COL4A5: variants seen among roughly 807,000 people sequenced by gnomAD.
The protein encoded by COL4A5 is collagen type IV alpha 5 chain, also known as collagen alpha-5(IV) chain.
In COL4A5, 26 loss-of-function variants were observed where a neutral mutation model predicts 130.2. That is an observed-to-expected ratio of 0.20 (90% CI 0.15 to 0.28). The LOEUF (loss-of-function observed/expected upper bound fraction) is 0.28, where lower values mean the gene tolerates loss of function less well. Ranked by LOEUF, COL4A5 falls within the 10% of genes least tolerant of loss-of-function variation. The pLI, the probability that COL4A5 is intolerant of heterozygous loss-of-function variation, is 1.00. For synonymous variants in COL4A5, 496 were observed against 439.6 expected (o/e 1.13, Z -1.60); for missense variants, 1,131 against 1,344.3 (o/e 0.84, Z 2.48).
chrX:108,564,710 T>C (rs1232352900), intron 4 of COL4A5, among the ~76,000 whole-genome samples: 1 of 112,077 alleles, frequency 8.9e-6, no homozygotes, highest in Non-Finnish European at 1.9e-5. Context: ...TGAAATACTG[T>C]GTTCATAGAT....
Position 108,493,507 on chromosome X carries a change from G to A in COL4A5, c.82-46239G>A, listed in dbSNP as rs775579600. Among the ~76,000 whole-genome samples the A allele has an allele frequency of 2.7e-5, 3 of 111,903 alleles. No homozygotes were observed. The South Asian group carries it at 1.1e-3, about 41-fold the overall frequency. On this transcript the variant is annotated intron_variant, in intron 1 of 52. Coordinates refer to ENST00000328300, the MANE Select transcript of COL4A5 (RefSeq NM_033380.3). ...TCTTTGAAGAAGTTAAGTTTAGTGA[G>A]TAAGATGCTTCTTTTTTATAATGGT...
At chrX:108,666,359 T>C in intron 38 of COL4A5, 137 bp from the exon 39 acceptor site, 1 of 502,139 alleles carries the variant, frequency 2.0e-6, no homozygotes, top group Non-Finnish European at 3.5e-6. Flanking sequence ...CTCCTTCATA[T>C]TTTTATAACA....
At chrX:108,616,226 G>T (rs28581987) in intron 30 of COL4A5, among the ~76,000 whole-genome samples, 25,685 of 106,439 alleles carry the variant, frequency 0.24, 2,678 homozygotes, top group East Asian at 0.56. Flanking sequence ...TTTTTTTTTT[G>T]TTGTTGTTGT....
intron 36 of COL4A5, among the ~76,000 whole-genome samples, chrX:108,640,442 A>G (rs757192139): frequency 1.1e-4 from 12 of 111,330 alleles, no homozygotes; most frequent in African/African-American, 3.9e-4. Context: ...TAGTTATAAG[A>G]TGAATAAACT....
intron 36 of COL4A5, chrX:108,627,244 A>G: frequency 1.7e-6 from 1 of 589,164 alleles, no homozygotes; most frequent in Non-Finnish European, 2.0e-6. Flanking sequence ...ATATGATTTT[A>G]TTAAAAAATA....
intron 1 of COL4A5, among the ~76,000 whole-genome samples, chrX:108,500,643 T>C (rs1040706987): frequency 8.9e-6 from 1 of 112,039 alleles, no homozygotes; most frequent in Non-Finnish European, 1.9e-5. Context: ...AAATAGCCTC[T>C]ATTGCTCAAA....
At position 108,479,766 on chromosome X, in the gene COL4A5, G is replaced by C. The variant is rs768234464; in HGVS notation, c.81+39560G>C. Among the ~76,000 whole-genome samples, 3 of 111,978 alleles carry C rather than the reference G, an allele frequency of 2.7e-5. No homozygotes were observed. The South Asian group carries it at 1.1e-3, about 42-fold the overall frequency. On this transcript the variant is annotated intron_variant, in intron 1 of 52. Transcript: ENST00000328300. ...GCTGTGCATGACCACTTTATGGCTA[G>C]ATGGGTCAGAAAAGCACCCAGTTTA...
At chrX:108,444,110 G>T (rs1405164138) in intron 1 of COL4A5, among the ~76,000 whole-genome samples, 4 of 110,917 alleles carry the variant, frequency 3.6e-5, no homozygotes, top group Non-Finnish European at 7.6e-5. Flanking sequence ...CCCAGATTTG[G>T]CCAACAGGAG....
At chrX:108,493,016 T>G (rs764913319) in intron 1 of COL4A5, among the ~76,000 whole-genome samples, 10 of 111,722 alleles carry the variant, frequency 9.0e-5, no homozygotes, top group Non-Finnish European at 1.7e-4. Context: ...CTGGATATTT[T>G]TATTTGCTGA....
intron 1 of COL4A5, among the ~76,000 whole-genome samples, chrX:108,498,893 G>A (rs187831904): frequency 2.1e-3 from 232 of 110,476 alleles, no homozygotes; most frequent in Non-Finnish European, 3.5e-3. Flanking sequence ...AAATTTTATG[G>A]CTTTTTAAAG....
At chrX:108,442,342 A>G (rs996297997) in intron 1 of COL4A5, among the ~76,000 whole-genome samples, 3 of 111,941 alleles carry the variant, frequency 2.7e-5, no homozygotes, top group Non-Finnish European at 5.6e-5. Flanking sequence ...CATCACAAAT[A>G]TGTGGAAGAT....
At chrX:108,507,056 C>A (rs1452663941) in intron 1 of COL4A5, among the ~76,000 whole-genome samples, 1 of 109,641 alleles carries the variant, frequency 9.1e-6, no homozygotes. Flanking sequence ...TAATAAATAG[C>A]CTACCAACAA....
chrX:108,489,902 A>G (rs1317466033), intron 1 of COL4A5, among the ~76,000 whole-genome samples: 1 of 112,183 alleles, frequency 8.9e-6, no homozygotes, highest in East Asian at 2.8e-4. Flanking sequence ...AGAAGGTTCT[A>G]TAGCAGAGTA....
chrX:108,526,595 CCTTTCTTT>C (rs1166494631), intron 1 of COL4A5, among the ~76,000 whole-genome samples: 3,556 of 33,001 alleles, frequency 0.11, 243 homozygotes, highest in Non-Finnish European at 0.12. Flanking sequence ...CTCCCTCCCT[CCTTTCTTT>C]CTTTCTTTCT....
rs750587716 is a variant in COL4A5 at position 108,595,588 on chromosome X, C to A, written c.1503C>A (p.Leu501=). 3 of 1,208,395 alleles carry A rather than the reference C, an allele frequency of 2.5e-6. No individual in the cohort carries two copies. In the African/African-American group the frequency reaches 5.2e-5, roughly 21 times the overall value. Residue 501 remains leucine (L), a synonymous_variant, in exon 22 of 53, where the codon CTC becomes CTA. Transcript: ENST00000328300. ...CAGGTCAACCTGGTTTGCCAGGTCT[C>A]CCAGGTCCTCCAGGTAAATTATGCC... is the stretch of plus-strand genomic sequence containing the variant. ...GPPGQPGLPG[L]PGPPGSLGFP...
chrX:108,612,182 T>G (rs2066848719), intron 29 of COL4A5, among the ~76,000 whole-genome samples: 1 of 111,511 alleles, frequency 9.0e-6, no homozygotes, highest in Non-Finnish European at 1.9e-5. Context: ...CTTGATCCAT[T>G]ATGTTTAGTG....
chrX:108,440,927 A>T (rs756075641), intron 1 of COL4A5, among the ~76,000 whole-genome samples: 3 of 111,615 alleles, frequency 2.7e-5, no homozygotes, highest in Non-Finnish European at 5.6e-5. Flanking sequence ...ATCTGAACAA[A>T]TTGAGAATTT....
intron 1 of COL4A5, among the ~76,000 whole-genome samples, chrX:108,474,387 A>C (rs143345502): frequency 0.041 from 4,572 of 112,026 alleles, 219 homozygotes; most frequent in African/African-American, 0.14. Flanking sequence ...TACAATATTT[A>C]GTACAGTAAC....
intron 1 of COL4A5, among the ~76,000 whole-genome samples, chrX:108,487,813 T>C (rs2064961274): frequency 8.9e-6 from 1 of 112,080 alleles, no homozygotes; most frequent in Non-Finnish European, 1.9e-5. Flanking sequence ...GAAGTTTCAG[T>C]GGGGAAACTT....
Sources: gnomAD v4.1 joint callset for allele counts (sites outside exome capture counted in the v4.1 genomes callset) on GRCh38, gnomAD v4.1.1 for gene constraint, MANE v1.5 for transcripts, NCBI Gene and HGNC (gene_info 2026-07-23, HGNC 2026-07-21) for gene names.